SIK2: variants seen among roughly 807,000 people sequenced by gnomAD.
SIK2 encodes the protein salt inducible kinase 2.
In SIK2, 29 loss-of-function variants were observed where a neutral mutation model predicts 103.2. The ratio of observed to expected loss-of-function variants is 0.28; its 90% CI spans 0.21 to 0.38. The LOEUF (loss-of-function observed/expected upper bound fraction) is 0.38, where lower values mean the gene tolerates loss of function less well. SIK2 is among the 10% of genes least tolerant of loss of function. The pLI is 1.00. For missense variants in SIK2, 879 were observed against 1,171.0 expected, an observed-to-expected ratio of 0.75 and a Z score of 3.64; for synonymous variants, 412 against 446.1, an observed-to-expected ratio of 0.92 and a Z score of 0.96.
At position 111,727,150 on chromosome 11, in the gene SIK2, A is replaced by C; in HGVS notation, c.*3021A>C. ...GACCGTCCCCAGCTGCCCCCTCGCCACCTCTGCCTGCACTGCCTTCTGTCA... is the reference window on the plus strand; with the variant it reads ...GACCGTCCCCAGCTGCCCCCTCGCCCCCTCTGCCTGCACTGCCTTCTGTCA... On this transcript the variant is annotated 3_prime_UTR_variant, in exon 15 of 15. Coordinates refer to ENST00000304987, the MANE Select transcript of SIK2 (RefSeq NM_015191.3). The C allele has an allele frequency of 9.6e-7, 1 of 1,038,874 alleles. No homozygotes were observed. The highest frequency in any genetic ancestry group is 1.9e-5 in the Admixed American group (1 of 52,722). The allele number at this position is 1,038,874 out of a possible 1,614,324, so 64.4% of individuals were successfully genotyped here. A position where few individuals can be genotyped will look rare whatever the true frequency, so the allele number is the denominator to read the frequency against.
intron 3 of SIK2, among the ~76,000 whole-genome samples, chr11:111,648,096 G>C (rs1268470938): frequency 6.6e-6 from 1 of 151,404 alleles, no homozygotes; most frequent in African/African-American, 2.4e-5. Flanking sequence ...GGATGAGCTT[G>C]CAGTCAAAAA....
At chr11:111,710,082 T>C (rs1432625927) in intron 8 of SIK2, among the ~76,000 whole-genome samples, 1 of 152,242 alleles carries the variant, frequency 6.6e-6, no homozygotes, top group East Asian at 1.9e-4. Context: ...AAATCAATTC[T>C]TCAGTTTTAT....
In SIK2 at chr11:111,617,859, T is replaced by TACAC. The variant is rs367901545; in HGVS notation, c.252+1501_252+1502insCACA. On this transcript the variant is annotated intron_variant, in intron 2 of 14. Transcript: ENST00000304987. ...GTGTATGTGTGTGTGTGTATATATA[T>TACAC]ATACACACACACACACACACATATA... 5.6e-4 allele frequency among the ~76,000 whole-genome samples: 84 copies of TACAC among 151,016 alleles called. 1 individual carries two copies. In the South Asian group the frequency reaches 7.6e-3, roughly 14 times the overall value.
chr11:111,612,915 G>GATATATATATATAGATATATATATAT (rs1941745907), intron 1 of SIK2, among the ~76,000 whole-genome samples: 1 of 50,028 alleles, frequency 2.0e-5, no homozygotes, highest in African/African-American at 6.3e-5. Flanking sequence ...ATAGCAATGG[G>GATATATATATATAGATATATATATAT]ATATATATAT....
At chr11:111,643,699 T>C (rs1942214085) in intron 3 of SIK2, among the ~76,000 whole-genome samples, 1 of 150,978 alleles carries the variant, frequency 6.6e-6, no homozygotes, top group African/African-American at 2.4e-5. Flanking sequence ...TACTCCCAGC[T>C]ACTCAGGAGG....
chr11:111,707,393 A>G (rs1943380178), intron 8 of SIK2, among the ~76,000 whole-genome samples: 1 of 152,302 alleles, frequency 6.6e-6, no homozygotes, highest in East Asian at 1.9e-4. Context: ...TAGGGTTCAG[A>G]TACATAAACG....
At chr11:111,641,228 G>A (rs1942178810) in intron 3 of SIK2, among the ~76,000 whole-genome samples, 1 of 152,060 alleles carries the variant, frequency 6.6e-6, no homozygotes, top group Non-Finnish European at 1.5e-5. Flanking sequence ...ACTGAGCTCT[G>A]TATTCCCAAG....
chr11:111,691,968 T>A (rs11213980), intron 4 of SIK2, among the ~76,000 whole-genome samples: 38,190 of 151,952 alleles, frequency 0.25, 5,022 homozygotes, highest in Middle Eastern at 0.32. Context: ...AGACTAACTC[T>A]GTCTGGAAGA....
intron 3 of SIK2, among the ~76,000 whole-genome samples, chr11:111,676,484 G>A (rs1942705386): frequency 6.6e-6 from 1 of 152,110 alleles, no homozygotes. Context: ...TCTCATTGTG[G>A]TTTTGATTTG....
chr11:111,663,859 G>A (rs945842725), intron 3 of SIK2, among the ~76,000 whole-genome samples: 1 of 152,182 alleles, frequency 6.6e-6, no homozygotes, highest in African/African-American at 2.4e-5. Context: ...TTTGGGAATG[G>A]ATAGAGTTAT....
chr11:111,720,887 GCTTT>G lies in SIK2; in HGVS notation c.1781-6_1781-3del, dbSNP rs1943780028. 1.9e-6 allele frequency: 3 copies of G among 1,612,774 alleles called. No homozygotes were observed. The highest frequency in any genetic ancestry group is 2.2e-5 in the South Asian group (2 of 90,646). On this transcript the variant is annotated splice_polypyrimidine_tract_variant and splice_region_variant and intron_variant, in intron 11 of 14. Coordinates refer to ENST00000304987, the MANE Select transcript of SIK2 (RefSeq NM_015191.3). ...TTTAGTTAAACTGTTTGGTCTTGGT[GCTTT>G]CTTTCAGGAATTGTAGCATTTAGAC...
At chr11:111,686,209 G>A (rs1309917962) in intron 3 of SIK2, among the ~76,000 whole-genome samples, 1 of 152,202 alleles carries the variant, frequency 6.6e-6, no homozygotes, top group Non-Finnish European at 1.5e-5. Context: ...GGGAGGCCAA[G>A]GCGGGCAGAT....
intron 4 of SIK2, among the ~76,000 whole-genome samples, chr11:111,694,008 A>G (rs916887350): frequency 1.3e-5 from 2 of 152,216 alleles, no homozygotes; most frequent in African/African-American, 4.8e-5. Context: ...AAAAGTTCAT[A>G]TCTCATAGTG....
rs1944092928 is a variant in SIK2, at chr11:111,729,105, C to T, written c.*4976C>T. 1 of 152,250 alleles carries T rather than the reference C, an allele frequency of 6.6e-6. No homozygotes were observed. Among genetic ancestry groups the T allele is most frequent in the African/African-American group, 2.4e-5 (1 of 41,454 alleles). The allele number at this position is 152,250 out of a possible 1,614,324, so 9.4% of individuals were successfully genotyped here. On this transcript the variant is annotated 3_prime_UTR_variant, in exon 15 of 15. Coordinates refer to ENST00000304987, the MANE Select transcript of SIK2 (RefSeq NM_015191.3). ...CAGGTGAACGAAAGCAGTGGAGCCT[C>T]TCACCTTCCAGTAGCCTCTCACATT...
chr11:111,619,863 A>C (rs1329896579), intron 2 of SIK2, among the ~76,000 whole-genome samples: 1 of 152,218 alleles, frequency 6.6e-6, no homozygotes, highest in African/African-American at 2.4e-5. Context: ...TAGGCTACCA[A>C]CCAGGTAAAC....
intron 9 of SIK2, among the ~76,000 whole-genome samples, chr11:111,712,756 CTTTA>C (rs1174501817): frequency 1.3e-5 from 2 of 152,176 alleles, no homozygotes; most frequent in South Asian, 2.1e-4. Context: ...CCAAATTGGG[CTTTA>C]TTTGATTACT....
chr11:111,680,576 A>G (rs1336278182), intron 3 of SIK2, among the ~76,000 whole-genome samples: 2 of 152,320 alleles, frequency 1.3e-5, no homozygotes, highest in Admixed American at 6.5e-5. Context: ...ATTCAGCTCC[A>G]TCTTTGAGGA....
intron 3 of SIK2, among the ~76,000 whole-genome samples, chr11:111,670,768 G>C (rs1942614315): frequency 6.6e-6 from 1 of 152,192 alleles, no homozygotes; most frequent in South Asian, 2.1e-4. Flanking sequence ...AATTGAACTG[G>C]TTTTTAGTTG....
rs898643076 is a variant in SIK2 at position 111,727,255 on chromosome 11, G to A, written c.*3126G>A. ...CGTGGGAGAGCATCAGGGCCCACCA[G>A]GGGAGTGGGGATGGGGCTCAGGGGC... On this transcript the variant is annotated 3_prime_UTR_variant, in exon 15 of 15. Transcript: ENST00000304987. 3 of 597,774 alleles carry A rather than the reference G, an allele frequency of 5.0e-6. No individual in the cohort carries two copies. Among genetic ancestry groups the A allele is most frequent in the Non-Finnish European group, 8.9e-6 (3 of 335,528 alleles). 37.0% of individuals were successfully genotyped at this position (597,774 alleles called of 1,614,324 possible).
Sources: allele counts gnomAD v4.1 joint callset (sites outside exome capture counted in the v4.1 genomes callset), GRCh38; gene constraint gnomAD v4.1.1; transcripts MANE v1.5; gene names NCBI Gene and HGNC (gene_info 2026-07-23, HGNC 2026-07-21).